Variants in TECPR2 observed in about 807,000 individuals in gnomAD.
The protein encoded by TECPR2 is tectonin beta-propeller repeat-containing protein 2.
A neutral mutation model predicts 138.1 loss-of-function variants in TECPR2; 65 were observed. The ratio of observed to expected loss-of-function variants is 0.47; its 90% CI spans 0.39 to 0.58. The LOEUF (loss-of-function observed/expected upper bound fraction) is 0.58, where lower values mean the gene tolerates loss of function less well. TECPR2 is among the 20% of genes least tolerant of loss of function. The pLI is 0.00. For synonymous variants in TECPR2, 746 were observed against 749.8 expected (o/e 0.99, Z 0.08); for missense variants, 1,553 against 1,824.5 (o/e 0.85, Z 2.71).
At chr14:102,365,688 G>A (rs1363315521) in intron 1 of TECPR2, among the ~76,000 whole-genome samples, 2 of 152,174 alleles carry the variant, frequency 1.3e-5, no homozygotes, top group African/African-American at 2.4e-5. Context: ...AGACAGAGAG[G>A]AGATCAGTGG....
chr14:102,398,932 G>T (rs1322713432), intron 2 of TECPR2, among the ~76,000 whole-genome samples: 1 of 151,688 alleles, frequency 6.6e-6, no homozygotes, highest in Non-Finnish European at 1.5e-5. Flanking sequence ...CATATACAAG[G>T]GACCCCCAAT....
chr14:102,483,713 G>A (rs1449057698), intron 17 of TECPR2, among the ~76,000 whole-genome samples: 1 of 151,558 alleles, frequency 6.6e-6, no homozygotes, highest in African/African-American at 2.4e-5. Flanking sequence ...CAAAGTGCTG[G>A]ATTCCAGGCA....
At position 102,499,607 on chromosome 14, in the gene TECPR2, C is replaced by T. The variant is rs996307010; in HGVS notation, c.*1350C>T. 2.0e-5 allele frequency: 5 copies of T among 244,898 alleles called. No individual in the cohort carries two copies. Among genetic ancestry groups the T allele is most frequent in the Non-Finnish European group, 3.2e-5 (4 of 124,120 alleles). 15.2% of individuals were successfully genotyped at this position (244,898 alleles called of 1,614,324 possible). ...AGGTTGAAACCAGTGCCTCTATGGA[C>T]GGCTGCTGTGGCCCCTTCAGACAAT... On this transcript the variant is annotated 3_prime_UTR_variant, in exon 20 of 20. Coordinates refer to ENST00000359520, the MANE Select transcript of TECPR2 (RefSeq NM_014844.5).
Position 102,419,058 on chromosome 14 carries a change from C to T in TECPR2, c.638+4265C>T, listed in dbSNP as rs1025059252. On this transcript the variant is annotated intron_variant, in intron 5 of 19. Coordinates refer to ENST00000359520, the MANE Select transcript of TECPR2 (RefSeq NM_014844.5). The surrounding 1 kb of genome is among the most constrained non-coding windows in gnomAD (Gnocchi z 4.8). ...CGGGTGTACCTCTCGGGGAGCTGTG[C>T]GCTGGCAGCCACTGGCATGCAGACA... Among the ~76,000 whole-genome samples, 3 of 151,996 alleles carry T rather than the reference C, an allele frequency of 2.0e-5. No homozygotes were observed. Among genetic ancestry groups the T allele is most frequent in the African/African-American group, 7.3e-5 (3 of 41,358 alleles).
In TECPR2 at chr14:102,431,851, G is replaced by A. The variant is rs139710994; in HGVS notation, c.1140G>A (p.Ala380=). ...CAGAGCGTGTCCACGTGCAGCAAGC[G>A]GAGAAGCTGCCAGGGGCCACAGTTT... ...GCSERVHVQQ[A]EKLPGATVSE... Residue 380 remains alanine, a synonymous_variant, in exon 8 of 20, where the codon GCG becomes GCA. Transcript: ENST00000359520. 2.5e-4 allele frequency: 403 copies of A among 1,599,848 alleles called. 2 individuals carry two copies. In the East Asian group the frequency reaches 4.5e-3, roughly 18 times the overall value.
intron 9 of TECPR2, among the ~76,000 whole-genome samples, chr14:102,436,304 T>C (rs1486986150): frequency 1.3e-5 from 2 of 150,962 alleles, no homozygotes; most frequent in African/African-American, 2.4e-5. Context: ...CTGGCTTTTT[T>C]TTCTTCTTTC....
intron 1 of TECPR2, among the ~76,000 whole-genome samples, chr14:102,373,113 G>A (rs955035059): frequency 2.0e-5 from 3 of 151,978 alleles, no homozygotes; most frequent in Admixed American, 2.0e-4. Flanking sequence ...ATGAAGTGGA[G>A]GTAACATTCA....
At chr14:102,470,412 A>T (rs1313075431) in intron 17 of TECPR2, among the ~76,000 whole-genome samples, 3 of 150,628 alleles carry the variant, frequency 2.0e-5, no homozygotes. Context: ...GGTTCTTGCA[A>T]TTCTCCTGCC....
chr14:102,376,979 C>A, intron 2 of TECPR2, 39 bp downstream of exon 2: 2 of 1,580,706 alleles, frequency 1.3e-6, no homozygotes, highest in Non-Finnish European at 1.7e-6. Context: ...GGGGCACGAG[C>A]CATAGCTGAC....
intron 16 of TECPR2, among the ~76,000 whole-genome samples, chr14:102,458,592 A>G (rs573573259): frequency 3.3e-5 from 5 of 152,054 alleles, no homozygotes; most frequent in Admixed American, 2.6e-4. Flanking sequence ...TATTTTGGGT[A>G]GAGATGGGGT....
At chr14:102,431,552 C>A (rs572510532) in intron 7 of TECPR2, among the ~76,000 whole-genome samples, 58 of 152,188 alleles carry the variant, frequency 3.8e-4, no homozygotes, top group Non-Finnish European at 6.5e-4. Flanking sequence ...CTGTGTTAGC[C>A]AGGATGGTCT....
intron 13 of TECPR2, among the ~76,000 whole-genome samples, chr14:102,446,170 G>C (rs958795534): frequency 1.8e-4 from 27 of 152,158 alleles, no homozygotes; most frequent in African/African-American, 2.4e-4. Flanking sequence ...GGGCTCAGGT[G>C]ATTCTCCCAC....
intron 5 of TECPR2, among the ~76,000 whole-genome samples, chr14:102,416,283 G>A (rs1889022205): frequency 1.3e-5 from 2 of 152,000 alleles, no homozygotes; most frequent in South Asian, 2.1e-4. Context: ...CACCACACCC[G>A]GCTAATTTTG....
At chr14:102,452,697 G>A in intron 16 of TECPR2, 70 bp downstream of exon 16, 6 of 1,307,534 alleles carry the variant, frequency 4.6e-6, no homozygotes, top group South Asian at 1.3e-5. Flanking sequence ...ACGTGATGTC[G>A]GACAAAACTG....
chr14:102,407,174 G>T (rs1888680917), intron 2 of TECPR2, among the ~76,000 whole-genome samples, 164 bp from the exon 3 acceptor site: 1 of 151,808 alleles, frequency 6.6e-6, no homozygotes, highest in Non-Finnish European at 1.5e-5. Flanking sequence ...TTTTGTTTTT[G>T]TTTTTTCAAC....
chr14:102,422,402 T>A (rs1439348780), intron 5 of TECPR2, among the ~76,000 whole-genome samples: 2 of 152,248 alleles, frequency 1.3e-5, no homozygotes, highest in East Asian at 3.8e-4. Context: ...TCTGAGGACC[T>A]GCTCTATGTC....
intron 2 of TECPR2, among the ~76,000 whole-genome samples, chr14:102,385,455 T>C (rs956615858): frequency 6.6e-6 from 1 of 151,374 alleles, no homozygotes; most frequent in Non-Finnish European, 1.5e-5. Context: ...ACGTGAGCTT[T>C]GAAGGACTGT....
At chr14:102,385,483 T>C (rs1182664537) in intron 2 of TECPR2, among the ~76,000 whole-genome samples, 14 of 152,058 alleles carry the variant, frequency 9.2e-5, no homozygotes, top group Non-Finnish European at 1.8e-4. Context: ...TAGAACAGCA[T>C]CCACAGGCTC....
chr14:102,385,710 G>C (rs1887979000), intron 2 of TECPR2, among the ~76,000 whole-genome samples: 1 of 152,138 alleles, frequency 6.6e-6, no homozygotes, highest in South Asian at 2.1e-4. Flanking sequence ...GAGGCGGACA[G>C]ATAGCTTGAG....
Sources: gnomAD v4.1 joint callset for allele counts (sites outside exome capture counted in the v4.1 genomes callset) on GRCh38, gnomAD v4.1.1 for gene constraint, Gnocchi (gnomAD v3.1) non-coding constraint, MANE v1.5 for transcripts, NCBI Gene and HGNC (gene_info 2026-07-23, HGNC 2026-07-21) for gene names.